The following ARMS2 variants were observed in gnomAD, a reference collection of about 807,000 sequenced individuals.
ARMS2 encodes age-related maculopathy susceptibility 2, also known as age-related maculopathy susceptibility protein 2.
Under a neutral mutation model 6.0 loss-of-function variants are expected in ARMS2, and 4 were observed. The ratio of observed to expected loss-of-function variants is 0.67; its 90% CI spans 0.33 to 1.53. ARMS2 has a LOEUF of 1.53. Ranked by LOEUF, ARMS2 falls within the 40% of genes most tolerant of loss-of-function variation. The pLI is 0.06. For synonymous variants in ARMS2, 49 were observed against 51.7 expected (o/e 0.95, Z 0.22); for missense variants, 99 against 127.6 (o/e 0.78, Z 1.08).
chr10:122,456,653 CA>C (rs111270448), intron 1 of ARMS2, among the ~76,000 whole-genome samples: 35,464 of 122,244 alleles, frequency 0.29, 4,192 homozygotes, highest in East Asian at 0.46. Context: ...GACTCTATCT[CA>C]AAAAAAAAAA....
At chr10:122,456,200 T>C (rs1306184340) in intron 1 of ARMS2, among the ~76,000 whole-genome samples, 2 of 151,288 alleles carry the variant, frequency 1.3e-5, no homozygotes, top group Non-Finnish European at 2.9e-5. Context: ...ATTTAACTAA[T>C]AGACATGAAT....
chr10:122,456,111 C>A (rs1356117642), intron 1 of ARMS2, among the ~76,000 whole-genome samples: 2 of 152,002 alleles, frequency 1.3e-5, no homozygotes, highest in Non-Finnish European at 2.9e-5. Flanking sequence ...AATTATAGAT[C>A]TTAACAAATA....
At position 122,454,769 on chromosome 10, in the gene ARMS2, G is replaced by A; in HGVS notation, c.42G>A (p.Glu14=). The change falls in exon 1 of 2, where the codon GAG becomes GAA. Residue 14 remains glutamate, a synonymous_variant. Transcript: ENST00000528446. ...CAGGACCGATGGTAACTGAGGCGGAGGGGAAAGGAGGGCCTGAGATGGCAA... is the reference window on the plus strand; with the variant it reads ...CAGGACCGATGGTAACTGAGGCGGAAGGGAAAGGAGGGCCTGAGATGGCAA... The part of the protein sequence containing the change: ...LYPGPMVTEA[E]GKGGPEMASL... The A allele has an allele frequency of 2.5e-6, 4 of 1,614,004 alleles. No homozygotes were observed. The highest frequency in any genetic ancestry group is 1.7e-6 in the Non-Finnish European group (2 of 1,179,890).
Position 122,454,894 on chromosome 10 carries a change from G to T in ARMS2, c.167G>T (p.Arg56Met), listed in dbSNP as rs756281796. The T allele has an allele frequency of 6.2e-7, 1 of 1,613,946 alleles. No individual in the cohort carries two copies. Among genetic ancestry groups the T allele is most frequent in the Non-Finnish European group, 8.5e-7 (1 of 1,179,868 alleles). ...GGAGAAGGAGCCAGTGACAAGCAGA[G>T]GAGCAAACTGTCTTTATCACACTCC... Reference protein sequence around the residue: ...VGGEGASDKQRSKLSLSHSMI... With the variant: ...VGGEGASDKQMSKLSLSHSMI... Residue 56 changes from arginine (R) to methionine (M), a missense_variant, in exon 1 of 2, where the codon AGG becomes ATG. Arg to Met is a moderately conservative substitution (Grantham distance 91). Coordinates refer to ENST00000528446, the MANE Select transcript of ARMS2 (RefSeq NM_001099667.3).
chr10:122,456,797 C>A, intron 1 of ARMS2, 110 bp from the exon 2 acceptor site: 2 of 1,452,978 alleles, frequency 1.4e-6, no homozygotes, highest in Non-Finnish European at 1.9e-6. Context: ...ACTTCTTACC[C>A]TATTGAGTTA....
At position 122,456,905 on chromosome 10, in the gene ARMS2, A is replaced by C. The variant is rs1480380693; in HGVS notation, c.298-2A>C. On this transcript the variant is annotated splice_acceptor_variant, in intron 1 of 1. Transcript: ENST00000528446. LOFTEE classifies it high-confidence loss of function. Reference sequence around the variant, plus strand: ...ATATTACTAAATCTATTTTTTTTTCAGTCTATCATCCACACTGCAGCAAGG... The same window carrying C: ...ATATTACTAAATCTATTTTTTTTTCCGTCTATCATCCACACTGCAGCAAGG... 1 of 1,547,608 alleles carries C rather than the reference A, an allele frequency of 6.5e-7. No homozygotes were observed.
Position 122,454,976 on chromosome 10 carries a change from T to C in ARMS2, c.249T>C (p.Pro83=). 2 of 1,613,388 alleles carry C rather than the reference T, an allele frequency of 1.2e-6. No homozygotes were observed. ...TCTGCTTACCAGCCTTCTTCTCTCC[T>C]GCTGGAACCCAGAGGAGGTTCCAGC... ...TELCLPAFFS[P]AGTQRRFQQP... Residue 83 remains proline, a synonymous_variant, in exon 1 of 2, where the codon CCT becomes CCC. Transcript: ENST00000528446.
intron 1 of ARMS2, among the ~76,000 whole-genome samples, chr10:122,455,689 A>G (rs1227250807): frequency 6.6e-6 from 1 of 152,176 alleles, no homozygotes; most frequent in Non-Finnish European, 1.5e-5. Flanking sequence ...GCCATAGTAT[A>G]TATAATTAGA....
chr10:122,455,956 T>C (rs1037888235), intron 1 of ARMS2, among the ~76,000 whole-genome samples: 1 of 152,088 alleles, frequency 6.6e-6, no homozygotes, highest in Non-Finnish European at 1.5e-5. Context: ...TACTTTACCA[T>C]GGAGAGTGAA....
chr10:122,457,302 CG>C lies in ARMS2; in HGVS notation c.*372del, dbSNP rs1369232306. On this transcript the variant is annotated 3_prime_UTR_variant, in exon 2 of 2. Transcript: ENST00000528446. Reference sequence around the variant, plus strand: ...TGTTTTCTTGCCCTCCTTTCTCTCCCGGGTGATAGGCATTAACTAAAATTAA... The same window carrying C: ...TGTTTTCTTGCCCTCCTTTCTCTCCCGGTGATAGGCATTAACTAAAATTAA... The C allele has an allele frequency of 0.1, 21,037 of 202,024 alleles. 1,878 individuals are homozygous for C. Among genetic ancestry groups the C allele is most frequent in the East Asian group, 0.19 (1,415 of 7,576 alleles). The allele number at this position is 202,024 out of a possible 1,614,324, so 12.5% of individuals were successfully genotyped here. A position where few individuals can be genotyped will look rare whatever the true frequency, so the allele number is the denominator to read the frequency against.
intron 1 of ARMS2, among the ~76,000 whole-genome samples, chr10:122,455,451 T>A (rs36212730): frequency 6.6e-6 from 1 of 152,160 alleles, no homozygotes; most frequent in Admixed American, 6.5e-5. Context: ...ATTCTTTCAA[T>A]ATTCTCACGG....
At chr10:122,456,810 T>C (rs547683917) in intron 1 of ARMS2, 97 bp from the exon 2 acceptor site, 230 of 1,513,282 alleles carry the variant, frequency 1.5e-4, no homozygotes, top group Non-Finnish European at 1.9e-4. Flanking sequence ...TTGAGTTACA[T>C]TAACTGCATC....
intron 1 of ARMS2, among the ~76,000 whole-genome samples, chr10:122,456,519 G>A (rs2097477223): frequency 6.6e-6 from 1 of 152,018 alleles, no homozygotes; most frequent in African/African-American, 2.4e-5. Context: ...GCCAGGCATG[G>A]TGGCAGCACC....
At chr10:122,456,471 A>G (rs2097477173) in intron 1 of ARMS2, among the ~76,000 whole-genome samples, 2 of 151,760 alleles carry the variant, frequency 1.3e-5, no homozygotes, top group Admixed American at 6.6e-5. Context: ...CCTGGTCAAC[A>G]TGGTGAAACC....
intron 1 of ARMS2, 88 bp downstream of exon 1, chr10:122,455,112 C>T: frequency 1.3e-6 from 1 of 740,958 alleles, no homozygotes. Context: ...TTTTAACCAG[C>T]CTTCAGGTGC....
intron 1 of ARMS2, among the ~76,000 whole-genome samples, chr10:122,456,382 A>G (rs1465561557): frequency 6.6e-6 from 1 of 152,148 alleles, no homozygotes; most frequent in Non-Finnish European, 1.5e-5. Context: ...TAGGCCAGGC[A>G]TGGTGGCTCA....
chr10:122,456,289 A>AG (rs2097477021), intron 1 of ARMS2, among the ~76,000 whole-genome samples: 1 of 148,686 alleles, frequency 6.7e-6, no homozygotes, highest in African/African-American at 2.5e-5. Context: ...TATCTAAAAA[A>AG]CAAAAAACAA....
At chr10:122,455,692 T>C (rs1056470150) in intron 1 of ARMS2, among the ~76,000 whole-genome samples, 22 of 152,202 alleles carry the variant, frequency 1.4e-4, no homozygotes, top group African/African-American at 4.6e-4. Context: ...ATAGTATATA[T>C]AATTAGACAA....
chr10:122,456,706 C>G (rs546162136), intron 1 of ARMS2, among the ~76,000 whole-genome samples: 1 of 151,666 alleles, frequency 6.6e-6, no homozygotes, highest in Admixed American at 6.6e-5. Context: ...TCACCTTTGT[C>G]CTATTTTGGA....
Sources: allele counts gnomAD v4.1 joint callset (sites outside exome capture counted in the v4.1 genomes callset), GRCh38; gene constraint gnomAD v4.1.1; transcripts MANE v1.5; gene names NCBI Gene and HGNC (gene_info 2026-07-23, HGNC 2026-07-21).